The following ROBO2 variants were observed in gnomAD, a reference collection of about 807,000 sequenced individuals.
ROBO2 encodes the protein roundabout guidance receptor 2.
ROBO2 carries 53 observed loss-of-function variants against 160.8 expected under a neutral mutation model. The ratio of observed to expected loss-of-function variants is 0.33; its 90% CI spans 0.26 to 0.41. The LOEUF is 0.41. Among genes scored for constraint, ROBO2 ranks in the 10% least tolerant of loss-of-function variants. ROBO2 has a pLI of 1.00. For missense variants in ROBO2, 1,577 were observed against 1,722.4 expected (o/e 0.92, Z 1.49); for synonymous variants, 664 against 611.7 (o/e 1.09, Z -1.26).
At chr3:77,043,520 T>C (rs142025934) in intron 1 of ROBO2, among the ~76,000 whole-genome samples, 3 of 152,282 alleles carry the variant, frequency 2.0e-5, no homozygotes, top group African/African-American at 7.2e-5. Context: ...AGAGAGCAAA[T>C]ATTAAGTTAG....
chr3:76,033,547 A>T (rs538300249), intron 2 of ROBO2, among the ~76,000 whole-genome samples: 1 of 152,306 alleles, frequency 6.6e-6, no homozygotes, highest in East Asian at 1.9e-4. Flanking sequence ...GGAATTTTAC[A>T]CTGAAAAGTT....
chr3:76,860,512 A>C (rs142804566), intron 2 of ROBO2, among the ~76,000 whole-genome samples: 152 of 152,118 alleles, frequency 1.0e-3, no homozygotes, highest in African/African-American at 3.6e-3. Context: ...TTAATTGCTT[A>C]TGTCTCCAAA....
intron 1 of ROBO2, among the ~76,000 whole-genome samples, chr3:77,065,820 G>A (rs1470384112): frequency 1.3e-5 from 2 of 152,008 alleles, no homozygotes; most frequent in African/African-American, 4.8e-5. Flanking sequence ...CCACTCTGAG[G>A]TCAGAGTTCA....
At chr3:76,436,253 A>C (rs912084631) in intron 2 of ROBO2, among the ~76,000 whole-genome samples, 1 of 151,872 alleles carries the variant, frequency 6.6e-6, no homozygotes, top group African/African-American at 2.4e-5. Flanking sequence ...CACATTGTGC[A>C]GGTTAGTTAC....
intron 2 of ROBO2, among the ~76,000 whole-genome samples, chr3:76,168,434 G>A (rs947550981): frequency 4.6e-5 from 7 of 151,674 alleles, no homozygotes; most frequent in South Asian, 2.1e-4. Context: ...CTTTTTCTTC[G>A]TTTATTCTCT....
At chr3:76,105,435 C>T (rs1044356990) in intron 2 of ROBO2, among the ~76,000 whole-genome samples, 5 of 152,120 alleles carry the variant, frequency 3.3e-5, no homozygotes, top group African/African-American at 1.2e-4. Context: ...AGGCTTGTAG[C>T]ATATTATTCT....
intron 2 of ROBO2, among the ~76,000 whole-genome samples, chr3:76,966,462 A>C (rs2059299479): frequency 6.6e-6 from 1 of 152,190 alleles, no homozygotes; most frequent in South Asian, 2.1e-4. Flanking sequence ...GTTTAATACC[A>C]AGTCTGCTTT....
At chr3:75,997,155 A>C (rs632381) in intron 2 of ROBO2, among the ~76,000 whole-genome samples, 117,506 of 152,108 alleles carry the variant, frequency 0.77, 46,572 homozygotes, top group East Asian at 0.97. Flanking sequence ...GCTCTAAATG[A>C]CATTGGAAAT....
At chr3:77,365,814 C>T (rs60792134) in intron 2 of ROBO2, among the ~76,000 whole-genome samples, 8,924 of 151,446 alleles carry the variant, frequency 0.059, 862 homozygotes, top group African/African-American at 0.2. Context: ...TCTAACCAAC[C>T]CGATGAAATG....
At chr3:77,049,419 T>C (rs941622287) in intron 1 of ROBO2, among the ~76,000 whole-genome samples, 2 of 152,224 alleles carry the variant, frequency 1.3e-5, no homozygotes, top group Non-Finnish European at 2.9e-5. Flanking sequence ...TTGTCTAATA[T>C]GCATGTAGCA....
At chr3:77,011,968 T>G (rs2061949186) in intron 2 of ROBO2, among the ~76,000 whole-genome samples, 1 of 152,176 alleles carries the variant, frequency 6.6e-6, no homozygotes, top group African/African-American at 2.4e-5. Flanking sequence ...TGAAATTTTT[T>G]GGAAGGTATT....
intron 2 of ROBO2, among the ~76,000 whole-genome samples, chr3:76,900,736 T>A (rs761725928): frequency 6.6e-6 from 1 of 152,086 alleles, no homozygotes; most frequent in Non-Finnish European, 1.5e-5. Flanking sequence ...GGCAAATCTG[T>A]AATAATCAGT....
chr3:75,961,779 AAGAT>A (rs1190532758), intron 2 of ROBO2, among the ~76,000 whole-genome samples: 19 of 151,806 alleles, frequency 1.3e-4, no homozygotes, highest in South Asian at 4.1e-4. Flanking sequence ...ATTGAGGAGA[AAGAT>A]AGAAAATTTT....
rs1231549966 is a variant in ROBO2 at position 76,471,994 on chromosome 3, ACAATT to A, written c.109+534396_109+534400del. On this transcript the variant is annotated intron_variant, in intron 2 of 26. Coordinates refer to the ROBO2 transcript ENST00000487694. ...ACGACATGTGGAGATTATGGGAACT[ACAATT>A]CAAGATGAGATTTGGGTGGGGACAC... 2.0e-5 allele frequency among the ~76,000 whole-genome samples: 3 copies of A among 152,086 alleles called. No individual in the cohort carries two copies. The East Asian group carries it at 5.8e-4, about 29-fold the overall frequency.
At chr3:77,040,002 T>G in exon 1 of ROBO2, 1 of 672,412 alleles carries the variant, frequency 1.5e-6, no homozygotes, top group Non-Finnish European at 1.8e-6. Context: ...TGCACTATCC[T>G]CAGAGGCGGC....
At chr3:76,758,586 T>C (rs1320232806) in intron 2 of ROBO2, among the ~76,000 whole-genome samples, 2 of 151,850 alleles carry the variant, frequency 1.3e-5, no homozygotes, top group Non-Finnish European at 2.9e-5. Context: ...GAAATTTTAC[T>C]ACCTGCTTTT....
chr3:75,982,986 A>G (rs556813793), intron 2 of ROBO2, among the ~76,000 whole-genome samples: 1 of 151,640 alleles, frequency 6.6e-6, no homozygotes, highest in Admixed American at 6.6e-5. Context: ...AGCACTCGCA[A>G]TGTGAGGAAG....
intron 2 of ROBO2, among the ~76,000 whole-genome samples, chr3:76,700,928 A>G (rs948184873): frequency 6.6e-6 from 1 of 152,106 alleles, no homozygotes; most frequent in Non-Finnish European, 1.5e-5. Flanking sequence ...GGACATTTTC[A>G]TTTTAAAGAA....
intron 22 of ROBO2, among the ~76,000 whole-genome samples, chr3:77,620,096 A>T (rs11714111): frequency 6.6e-6 from 1 of 152,116 alleles, no homozygotes; most frequent in Non-Finnish European, 1.5e-5. Flanking sequence ...CATAGAGGAC[A>T]CCCTGTTTCT....
Sources: gnomAD v4.1 joint callset for allele counts (sites outside exome capture counted in the v4.1 genomes callset) on GRCh38, gnomAD v4.1.1 for gene constraint, MANE v1.5 for transcripts, NCBI Gene and HGNC (gene_info 2026-07-23, HGNC 2026-07-21) for gene names.